Variants in CUX1 observed in about 807,000 individuals in gnomAD.
The protein encoded by CUX1 is protein CASP.
A neutral mutation model predicts 158.8 loss-of-function variants in CUX1; 31 were observed. The ratio of observed to expected loss-of-function variants is 0.20; its 90% CI spans 0.15 to 0.26. The LOEUF is 0.26. Among genes scored for constraint, CUX1 ranks in the 10% least tolerant of loss-of-function variants. The pLI is 1.00. For missense variants in CUX1, 1,589 were observed against 2,014.6 expected (o/e 0.79, Z 4.04); for synonymous variants, 879 against 862.1 (o/e 1.02, Z -0.34).
Position 102,283,097 on chromosome 7 carries a change from G to A in CUX1, c.*7G>A, listed in dbSNP as rs564917629. 1.1e-4 allele frequency: 183 copies of A among 1,612,256 alleles called. 1 individual carries two copies. In the South Asian group the frequency reaches 1.8e-3, roughly 16 times the overall value. ...TGGTGACTTGTGGCAGTGATACCCC[G>A]GGGCCTCCCCCGTGACAGTGACGGC... is the stretch of plus-strand genomic sequence containing the variant. On this transcript the variant is annotated 3_prime_UTR_variant, in exon 23 of 23. Transcript: ENST00000292538.
chr7:101,834,046 A>T (rs1252650179), intron 1 of CUX1, among the ~76,000 whole-genome samples: 1 of 150,824 alleles, frequency 6.6e-6, no homozygotes, highest in Non-Finnish European at 1.5e-5. Flanking sequence ...TGTTGTCACG[A>T]TTCTTCCAGG....
At position 102,073,559 on chromosome 7, in the gene CUX1, G is replaced by GGGCA. The variant is rs572964590; in HGVS notation, c.268+3144_268+3147dup. Among the ~76,000 whole-genome samples the GGGCA allele has an allele frequency of 3.5e-3, 531 of 152,176 alleles. 4 individuals are homozygous for GGGCA. The highest frequency in any genetic ancestry group is 0.012 in the African/African-American group (497 of 41,516). ...TTTTCCCTAGTGAAATTTTCCAACT[G>GGGCA]GGCAGTCACTTTAAAACATTGCTAG... On this transcript the variant is annotated intron_variant, in intron 4 of 23. Coordinates refer to ENST00000292535, the MANE Select transcript of CUX1 (RefSeq NM_181552.4).
chr7:102,123,282 T>C (rs556662784), intron 8 of CUX1, among the ~76,000 whole-genome samples: 1 of 151,452 alleles, frequency 6.6e-6, no homozygotes, highest in African/African-American at 2.4e-5. Context: ...TATATAAACA[T>C]GTTTGTGAAT....
chr7:101,854,614 A>G (rs973107821), intron 1 of CUX1, among the ~76,000 whole-genome samples: 4 of 152,104 alleles, frequency 2.6e-5, no homozygotes, highest in African/African-American at 7.2e-5. Flanking sequence ...GCCTCCTCCG[A>G]TTGCTGGAGT....
At chr7:102,282,890 C>T (rs1346164271) in intron 22 of CUX1, 41 of 981,696 alleles carry the variant, frequency 4.2e-5, no homozygotes, top group Non-Finnish European at 6.2e-5. Flanking sequence ...CATCACAGCC[C>T]CCCATTCTGG....
At chr7:102,063,345 T>C (rs868577832) in intron 3 of CUX1, among the ~76,000 whole-genome samples, 1 of 150,322 alleles carries the variant, frequency 6.7e-6, no homozygotes, top group Non-Finnish European at 1.5e-5. Flanking sequence ...AGATGCTTAC[T>C]ACACAGAGAA....
At chr7:102,047,367 G>A (rs1386384419) in intron 3 of CUX1, among the ~76,000 whole-genome samples, 1 of 151,820 alleles carries the variant, frequency 6.6e-6, no homozygotes, top group Non-Finnish European at 1.5e-5. Flanking sequence ...GGGGATAGAT[G>A]GATGGATGAT....
At chr7:102,096,092 T>C (rs540923085) in intron 4 of CUX1, among the ~76,000 whole-genome samples, 6 of 152,380 alleles carry the variant, frequency 3.9e-5, no homozygotes, top group African/African-American at 9.6e-5. Flanking sequence ...ATGGCAGATA[T>C]GACCTTGAAT....
intron 2 of CUX1, among the ~76,000 whole-genome samples, chr7:102,025,869 A>G (rs1819959347): frequency 6.6e-6 from 1 of 152,122 alleles, no homozygotes; most frequent in Non-Finnish European, 1.5e-5. Flanking sequence ...CTGTGATGAT[A>G]TTTGTCAAAA....
At chr7:102,016,921 G>C (rs909931437) in intron 2 of CUX1, among the ~76,000 whole-genome samples, 2 of 152,228 alleles carry the variant, frequency 1.3e-5, no homozygotes, top group Admixed American at 6.5e-5. Flanking sequence ...ACACGTCCTG[G>C]TTGGTTTCAG....
chr7:102,031,215 C>T (rs1227690772), intron 3 of CUX1, among the ~76,000 whole-genome samples: 2 of 152,082 alleles, frequency 1.3e-5, no homozygotes, highest in Admixed American at 1.3e-4. Context: ...TGCACCACCT[C>T]GCCCAGCTAA....
At chr7:101,827,121 G>T (rs1445106802) in intron 1 of CUX1, among the ~76,000 whole-genome samples, 1 of 152,066 alleles carries the variant, frequency 6.6e-6, no homozygotes, top group African/African-American at 2.4e-5. Context: ...TAACATAAGT[G>T]TTGGTTAAAA....
intron 8 of CUX1, among the ~76,000 whole-genome samples, chr7:102,157,011 A>C (rs542753988): frequency 1.3e-4 from 20 of 152,272 alleles, no homozygotes; most frequent in African/African-American, 4.6e-4. Context: ...GTAGGAGATG[A>C]GGTTCCCTGG....
At chr7:102,258,863 C>G (rs972868551), downstream of CUX1, among the ~76,000 whole-genome samples, 2 of 152,128 alleles carry the variant, frequency 1.3e-5, no homozygotes, top group African/African-American at 4.8e-5. Flanking sequence ...TCTGGAATGA[C>G]GGGGCTACTG....
At chr7:102,230,527 A>G (rs1798847817) in intron 21 of CUX1, among the ~76,000 whole-genome samples, 1 of 151,580 alleles carries the variant, frequency 6.6e-6, no homozygotes, top group East Asian at 1.9e-4. Context: ...AGAGTAGCTG[A>G]GTTCCACTAA....
chr7:102,213,238 G>A (rs1490802596), intron 20 of CUX1, among the ~76,000 whole-genome samples: 2 of 152,224 alleles, frequency 1.3e-5, no homozygotes, highest in Non-Finnish European at 2.9e-5. Context: ...TCCTGGTGCC[G>A]CAGTCCTGTG....
At chr7:101,919,211 G>GT (rs1563009207) in intron 2 of CUX1, among the ~76,000 whole-genome samples, 3 of 151,992 alleles carry the variant, frequency 2.0e-5, no homozygotes, top group East Asian at 1.9e-4. Flanking sequence ...TGTGTGTGTG[G>GT]GGGGGGAGCT....
chr7:102,014,634 T>C (rs1585278723), intron 2 of CUX1, among the ~76,000 whole-genome samples: 1 of 152,206 alleles, frequency 6.6e-6, no homozygotes, highest in Admixed American at 6.5e-5. Flanking sequence ...TGGAAGTTTT[T>C]GTTTCTCCTT....
downstream of CUX1, among the ~76,000 whole-genome samples, chr7:102,262,371 C>T (rs1254152893): frequency 2.1e-5 from 3 of 144,160 alleles, no homozygotes; most frequent in African/African-American, 7.9e-5. Context: ...GCACTCCAGC[C>T]TGGGCGACAA....
Sources: gnomAD v4.1 joint callset for allele counts (sites outside exome capture counted in the v4.1 genomes callset) on GRCh38, gnomAD v4.1.1 for gene constraint, MANE v1.5 for transcripts, NCBI Gene and HGNC (gene_info 2026-07-23, HGNC 2026-07-21) for gene names.